The following PSMG2 variants were observed in gnomAD, a reference collection of about 807,000 sequenced individuals.
PSMG2 encodes proteasome assembly chaperone 2.
PSMG2 carries 21 observed loss-of-function variants against 31.5 expected under a neutral mutation model. That is an observed-to-expected ratio of 0.67 (90% confidence interval 0.47 to 0.96). PSMG2 has a LOEUF of 0.96. PSMG2 is among the 40% of genes least tolerant of loss of function. The probability of loss-of-function intolerance (pLI) is 0.00; values close to 1 mark genes in which losing one functional copy is unlikely to be tolerated. For synonymous variants in PSMG2, 120 were observed against 110.4 expected (o/e 1.09, Z -0.54); for missense variants, 318 against 321.2 (o/e 0.99, Z 0.08).
At chr18:12,687,693 T>C (rs544012206) in intron 1 of PSMG2, among the ~76,000 whole-genome samples, 7 of 151,828 alleles carry the variant, frequency 4.6e-5, no homozygotes, top group Admixed American at 6.6e-5. Context: ...CCTCAAGTGA[T>C]CCGCCCACCT....
chr18:12,689,923 G>T lies in PSMG2; in HGVS notation c.-36-16627G>T, dbSNP rs142320348. Among the ~76,000 whole-genome samples the T allele has an allele frequency of 6.9e-3, 1,050 of 152,182 alleles. 9 individuals carry two copies. The highest frequency in any genetic ancestry group is 0.024 in the African/African-American group (1,001 of 41,502). On this transcript the variant is annotated intron_variant, in intron 1 of 6. Transcript: ENST00000585331. ...CCTGCCTCAGCCTCCTGACTAACTG[G>T]GATTATAGGTGCCTGCCACCAAGCC...
At chr18:12,672,674 TATA>T in intron 1 of PSMG2, 2 of 979,000 alleles carry the variant, frequency 2.0e-6, no homozygotes, top group Non-Finnish European at 2.4e-6. Flanking sequence ...AACAAAGAGG[TATA>T]ATAAAGTTTT....
At chr18:12,684,659 T>C (rs1478821947) in intron 1 of PSMG2, 8 of 151,916 alleles carry the variant, frequency 5.3e-5, no homozygotes, top group Admixed American at 5.3e-4. Flanking sequence ...TTTTGTATTT[T>C]TTCAGTAGAG....
chr18:12,705,545 A>AAGAGAGAGAGAG (rs142910283), intron 1 of PSMG2, among the ~76,000 whole-genome samples: 1 of 137,776 alleles, frequency 7.3e-6, no homozygotes, highest in African/African-American at 2.8e-5. Context: ...TCATGGGAAA[A>AAGAGAGAGAGAG]AGAGAGAGAG....
intron 1 of PSMG2, among the ~76,000 whole-genome samples, chr18:12,676,555 G>A (rs1327309280): frequency 1.3e-5 from 2 of 152,006 alleles, no homozygotes; most frequent in Non-Finnish European, 2.9e-5. Context: ...GATTACAGGC[G>A]TGAGACACTG....
At chr18:12,705,518 A>G (rs2040256199) in intron 1 of PSMG2, among the ~76,000 whole-genome samples, 1 of 150,920 alleles carries the variant, frequency 6.6e-6, no homozygotes, top group African/African-American at 2.4e-5. Context: ...GGGATTTGGC[A>G]GCTTCATTAT....
Position 12,712,723 on chromosome 18 carries a change from A to G in PSMG2, c.251A>G (p.Lys84Arg), listed in dbSNP as rs1215594849. 2 of 1,607,976 alleles carry G rather than the reference A, an allele frequency of 1.2e-6. No individual in the cohort carries two copies. Among genetic ancestry groups the G allele is most frequent in the South Asian group, 1.1e-5 (1 of 90,724 alleles). Residue 84 changes from lysine to arginine, a missense_variant, in exon 3 of 7, where the codon AAG becomes AGG. By Grantham distance (26) the Lys-to-Arg change is conservative. Coordinates refer to ENST00000317615, the MANE Select transcript of PSMG2 (RefSeq NM_020232.5). ...ATAGTGTATTCATTGCCTTCAAGAA[A>G]GCTGGTGGCTCTACAGTTAAGATCC... ...NAEVYSLPSR[K>R]LVALQLRSIF...
chr18:12,708,946 A>G (rs1312719273), intron 2 of PSMG2, among the ~76,000 whole-genome samples: 8 of 152,018 alleles, frequency 5.3e-5, no homozygotes, highest in African/African-American at 1.7e-4. Flanking sequence ...TCCTGATCTC[A>G]GATGATCCGC....
chr18:12,707,429 T>C (rs2040280846), intron 2 of PSMG2, among the ~76,000 whole-genome samples: 1 of 152,212 alleles, frequency 6.6e-6, no homozygotes, highest in South Asian at 2.1e-4. Flanking sequence ...GTTTAATATA[T>C]GTTACGTCAA....
At chr18:12,687,981 C>T (rs1053418164) in intron 1 of PSMG2, among the ~76,000 whole-genome samples, 2 of 151,868 alleles carry the variant, frequency 1.3e-5, no homozygotes, top group African/African-American at 2.4e-5. Context: ...CGGTGGCTCA[C>T]GCCTGTAATC....
chr18:12,697,452 A>G (rs754232976), intron 1 of PSMG2: 2 of 1,270,380 alleles, frequency 1.6e-6, no homozygotes, highest in African/African-American at 3.0e-5. Context: ...CTACATATTC[A>G]GTTAGGCCAA....
chr18:12,723,082 A>T (rs1187716814), intron 5 of PSMG2, among the ~76,000 whole-genome samples: 2 of 152,208 alleles, frequency 1.3e-5, no homozygotes, highest in Non-Finnish European at 2.9e-5. Context: ...GTTTTTAGAG[A>T]CAGAAACTAA....
chr18:12,660,743 C>T (rs1361149510), intron 1 of PSMG2, among the ~76,000 whole-genome samples: 2 of 151,940 alleles, frequency 1.3e-5, no homozygotes, highest in Non-Finnish European at 2.9e-5. Context: ...ACAGTTATAT[C>T]CAACAGAAGG....
intron 1 of PSMG2, among the ~76,000 whole-genome samples, chr18:12,675,224 G>C (rs1198226922): frequency 6.6e-6 from 1 of 152,062 alleles, no homozygotes; most frequent in Non-Finnish European, 1.5e-5. Flanking sequence ...GTGAAACCCT[G>C]TATCTACTAA....
intron 1 of PSMG2, among the ~76,000 whole-genome samples, chr18:12,676,400 G>T (rs998135281): frequency 6.8e-6 from 1 of 146,728 alleles, no homozygotes; most frequent in South Asian, 2.2e-4. Context: ...CTCAGCCTCC[G>T]AGTATCTGGG....
intron 1 of PSMG2, among the ~76,000 whole-genome samples, chr18:12,705,545 AAGAGAGAGAGAG>A (rs142910283): frequency 3.0e-4 from 42 of 137,876 alleles, no homozygotes; most frequent in Admixed American, 9.8e-4. Context: ...TCATGGGAAA[AAGAGAGAGAGAG>A]AGAGAGAGAG....
At chr18:12,702,706 G>C (rs35699948), upstream of PSMG2, 212,943 of 768,640 alleles carry the variant, frequency 0.28, 31,949 homozygotes, top group Non-Finnish European at 0.31. Context: ...GCGTCAGGCC[G>C]GGGGCTGACC....
chr18:12,706,685 GAAGGAAA>G lies in PSMG2; in HGVS notation c.194_200del (p.Glu65ValfsTer7). On this transcript the variant is annotated frameshift_variant, in exon 2 of 7. Coordinates refer to ENST00000317615, the MANE Select transcript of PSMG2 (RefSeq NM_020232.5). LOFTEE classifies it high-confidence loss of function. ...TGGAAACAATCCATATGCGACCACAGAAGGAAATTCAACAGAACTTAGCATAAATGCT... is the reference window on the plus strand; with the variant it reads ...TGGAAACAATCCATATGCGACCACAGTTCAACAGAACTTAGCATAAATGCT... The G allele has an allele frequency of 6.2e-7, 1 of 1,610,736 alleles. No individual in the cohort carries two copies. The highest frequency in any genetic ancestry group is 8.5e-7 in the Non-Finnish European group (1 of 1,177,562).
At chr18:12,710,394 C>T (rs549510680) in intron 2 of PSMG2, among the ~76,000 whole-genome samples, 3 of 152,160 alleles carry the variant, frequency 2.0e-5, no homozygotes, top group Non-Finnish European at 2.9e-5. Flanking sequence ...CCTTTTCAGG[C>T]GTGTTACAGC....
Sources: gnomAD v4.1 joint callset for allele counts (sites outside exome capture counted in the v4.1 genomes callset) on GRCh38, gnomAD v4.1.1 for gene constraint, MANE v1.5 for transcripts, NCBI Gene and HGNC (gene_info 2026-07-23, HGNC 2026-07-21) for gene names.